TTBK2: variants seen among roughly 807,000 people sequenced by gnomAD.
TTBK2 encodes tau-tubulin kinase 2.
In TTBK2, 28 loss-of-function variants were observed where a neutral mutation model predicts 110.8. That is an observed-to-expected ratio of 0.25 (90% CI 0.19 to 0.35). TTBK2 has a LOEUF of 0.35. TTBK2 is among the 10% of genes least tolerant of loss of function. TTBK2 has a pLI of 1.00. For missense variants in TTBK2, 1,369 were observed against 1,500.3 expected (o/e 0.91, Z 1.45); for synonymous variants, 532 against 527.3 (o/e 1.01, Z -0.12).
At chr15:42,917,458 C>T (rs1313176401) in intron 1 of TTBK2, among the ~76,000 whole-genome samples, 2 of 151,972 alleles carry the variant, frequency 1.3e-5, no homozygotes, top group African/African-American at 4.8e-5. Context: ...TCAAGGATCA[C>T]CAGACTTTAA....
chr15:42,830,057 G>A lies in TTBK2; in HGVS notation c.313C>T (p.Arg105Cys). 3 of 1,614,114 alleles carry A rather than the reference G, an allele frequency of 1.9e-6. No individual in the cohort carries two copies. Among genetic ancestry groups the A allele is most frequent in the South Asian group, 1.1e-5 (1 of 91,082 alleles). The change falls in exon 5 of 15, where the codon CGC becomes TGC. Residue 105 changes from arginine (R) to cysteine (C), a missense_variant. Physicochemically the swap from Arg to Cys is radical, Grantham distance 180. Around this residue, in one of 4 missense-constraint regions of TTBK2, gnomAD observed 122 missense variants for 159.7 expected, o/e 0.76. Transcript: ENST00000267890. ...QLQGRNLADL[R>C]RSQSRGTFTI... ...AATGTGCCTCGGGACTGGCTACGGC[G>A]AAGATCTGCCAGATTCCGACCCTAT...
intron 6 of TTBK2, among the ~76,000 whole-genome samples, chr15:42,819,787 T>A (rs1567042840): frequency 6.6e-6 from 1 of 152,250 alleles, no homozygotes. Context: ...ACTATGAATC[T>A]TTTTTGGTAA....
intron 7 of TTBK2, 133 bp from the exon 8 acceptor site, chr15:42,811,913 TAA>T (rs1196677502): frequency 4.9e-6 from 3 of 606,660 alleles, no homozygotes; most frequent in Non-Finnish European, 8.5e-6. Flanking sequence ...AATTATATGA[TAA>T]ACATATATAT....
intron 6 of TTBK2, among the ~76,000 whole-genome samples, chr15:42,825,988 T>G (rs1403360495): frequency 6.6e-6 from 1 of 152,108 alleles, no homozygotes; most frequent in Non-Finnish European, 1.5e-5. Context: ...CTTCCTTAAT[T>G]TTTTAATGTT....
At chr15:42,797,256 G>A (rs146517130) in intron 9 of TTBK2, among the ~76,000 whole-genome samples, 1 of 152,234 alleles carries the variant, frequency 6.6e-6, no homozygotes, top group Admixed American at 6.5e-5. Context: ...CAACAGGAAT[G>A]ATCCTAAATG....
chr15:42,805,373 T>C (rs1891417522), intron 9 of TTBK2, among the ~76,000 whole-genome samples: 5 of 152,052 alleles, frequency 3.3e-5, no homozygotes, highest in Non-Finnish European at 7.4e-5. Context: ...GTATGGAATA[T>C]GGAAGGAATT....
At chr15:42,814,077 G>A (rs1310492136) in intron 7 of TTBK2, among the ~76,000 whole-genome samples, 3 of 151,864 alleles carry the variant, frequency 2.0e-5, no homozygotes, top group Admixed American at 6.6e-5. Flanking sequence ...GCTGGAGTGC[G>A]ATGGGGCACT....
chr15:42,887,715 T>C (rs2141156030), intron 1 of TTBK2, among the ~76,000 whole-genome samples: 1 of 152,324 alleles, frequency 6.6e-6, no homozygotes, highest in Non-Finnish European at 1.5e-5. Context: ...TATTCTGTTC[T>C]AGATCTCAAA....
At chr15:42,761,626 G>A (rs1381726065) in intron 13 of TTBK2, among the ~76,000 whole-genome samples, 1 of 149,952 alleles carries the variant, frequency 6.7e-6, no homozygotes, top group African/African-American at 2.4e-5. Flanking sequence ...TTAGAAAATG[G>A]GCAAATGGTC....
At chr15:42,888,763 G>GA (rs1239975322) in intron 1 of TTBK2, among the ~76,000 whole-genome samples, 1 of 152,132 alleles carries the variant, frequency 6.6e-6, no homozygotes, top group Admixed American at 6.5e-5. Flanking sequence ...TACTTCCAAA[G>GA]GAAGCTGGAG....
intron 13 of TTBK2, among the ~76,000 whole-genome samples, chr15:42,763,179 T>TACATATATATATATATATATATATATAC (rs1567008988): frequency 8.9e-5 from 2 of 22,364 alleles, no homozygotes; most frequent in Non-Finnish European, 1.6e-4. Flanking sequence ...TATATATATA[T>TACATATATATATATATATATATATATAC]ATATATATAT....
At chr15:42,852,687 G>C (rs1893767984) in intron 3 of TTBK2, among the ~76,000 whole-genome samples, 1 of 152,112 alleles carries the variant, frequency 6.6e-6, no homozygotes, top group East Asian at 1.9e-4. Context: ...AGAGTAATGA[G>C]TAAACGAATC....
intron 1 of TTBK2, among the ~76,000 whole-genome samples, chr15:42,879,638 T>A: frequency 6.7e-6 from 1 of 149,918 alleles, no homozygotes. Flanking sequence ...AAAATCTTAT[T>A]TACAAAAAAA....
chr15:42,851,671 TG>T, intron 3 of TTBK2, among the ~76,000 whole-genome samples: 1 of 152,070 alleles, frequency 6.6e-6, no homozygotes, highest in East Asian at 1.9e-4. Context: ...TTTAGATATA[TG>T]ATTTTCTATA....
At chr15:42,904,170 CCA>C (rs2030234957) in intron 1 of TTBK2, among the ~76,000 whole-genome samples, 1 of 152,042 alleles carries the variant, frequency 6.6e-6, no homozygotes, top group African/African-American at 2.4e-5. Flanking sequence ...GAATCTTGAC[CCA>C]CAGACATCGT....
At chr15:42,876,847 T>G (rs534011637) in intron 2 of TTBK2, among the ~76,000 whole-genome samples, 1 of 152,252 alleles carries the variant, frequency 6.6e-6, no homozygotes, top group Non-Finnish European at 1.5e-5. Flanking sequence ...TCAAAAGAAC[T>G]CAGAAGACAA....
At chr15:42,776,839 TAAGA>T in intron 12 of TTBK2, 188 bp downstream of exon 12, 1 of 635,684 alleles carries the variant, frequency 1.6e-6, no homozygotes, top group Non-Finnish European at 2.7e-6. Context: ...TTATAATAAT[TAAGA>T]ATCAGGATAA....
chr15:42,774,958 C>A (rs1440638015), intron 13 of TTBK2, among the ~76,000 whole-genome samples, 177 bp downstream of exon 13: 1 of 152,194 alleles, frequency 6.6e-6, no homozygotes, highest in East Asian at 1.9e-4. Context: ...GAAGACCTCA[C>A]TTTTTGAAAA....
In TTBK2 at chr15:42,740,700, C is replaced by G. The variant is rs975507372; in HGVS notation, c.*5095G>C. ...CCTCCTGAGCATCTGGGACTACAGG[C>G]GCCCGCCACCATGCCCAGCTAATTT... On this transcript the variant is annotated 3_prime_UTR_variant, in exon 15 of 15. Transcript: ENST00000267890. 6.6e-6 allele frequency: 1 copy of G among 151,952 alleles called. No homozygotes were observed. Among genetic ancestry groups the G allele is most frequent in the Non-Finnish European group, 1.5e-5 (1 of 68,030 alleles). The allele number at this position is 151,952 out of a possible 1,614,324, so 9.4% of individuals were successfully genotyped here. A position where few individuals can be genotyped will look rare whatever the true frequency, so the allele number is the denominator to read the frequency against.
Sources: gnomAD v4.1 joint callset for allele counts (sites outside exome capture counted in the v4.1 genomes callset) on GRCh38, gnomAD v4.1.1 for gene constraint, gnomAD v4.1.1 regional missense constraint, MANE v1.5 for transcripts, NCBI Gene and HGNC (gene_info 2026-07-23, HGNC 2026-07-21) for gene names.